DYNC1I1: variants seen among roughly 807,000 people sequenced by gnomAD.
DYNC1I1 encodes dynein cytoplasmic 1 intermediate chain 1.
Under a neutral mutation model 86.6 loss-of-function variants are expected in DYNC1I1, and 43 were observed. The ratio of observed to expected loss-of-function variants is 0.50; its 90% CI spans 0.39 to 0.64. The LOEUF (loss-of-function observed/expected upper bound fraction) is 0.64. Ranked by LOEUF, DYNC1I1 falls within the 30% of genes least tolerant of loss-of-function variation. DYNC1I1 has a pLI of 0.00. For synonymous variants in DYNC1I1, 262 were observed against 283.7 expected, an observed-to-expected ratio of 0.92 and a Z score of 0.77; for missense variants, 604 against 788.8, an observed-to-expected ratio of 0.77 and a Z score of 2.81.
chr7:95,889,840 G>A (rs115203314), intron 6 of DYNC1I1, among the ~76,000 whole-genome samples: 3,773 of 152,188 alleles, frequency 0.025, 132 homozygotes, highest in African/African-American at 0.077. Flanking sequence ...AGCATATGAA[G>A]AAAAGCTCAA....
intron 6 of DYNC1I1, among the ~76,000 whole-genome samples, chr7:95,916,761 G>A (rs1791479418): frequency 6.6e-6 from 1 of 152,108 alleles, no homozygotes; most frequent in Non-Finnish European, 1.5e-5. Flanking sequence ...CACAAAAAAT[G>A]GCCAGTAGAG....
At chr7:95,899,193 A>G (rs1790969583) in intron 6 of DYNC1I1, among the ~76,000 whole-genome samples, 1 of 152,220 alleles carries the variant, frequency 6.6e-6, no homozygotes, top group Non-Finnish European at 1.5e-5. Context: ...TAAGTGAATG[A>G]AGGAAGCCCT....
At chr7:95,951,957 T>C (rs1050130126) in intron 6 of DYNC1I1, among the ~76,000 whole-genome samples, 11 of 152,202 alleles carry the variant, frequency 7.2e-5, no homozygotes, top group African/African-American at 2.4e-4. Context: ...GAATCATGTA[T>C]GTTTCATTAT....
At chr7:95,948,051 G>A (rs1303363852) in intron 6 of DYNC1I1, among the ~76,000 whole-genome samples, 1 of 145,178 alleles carries the variant, frequency 6.9e-6, no homozygotes, top group Non-Finnish European at 1.5e-5. Flanking sequence ...AAACAGAGCT[G>A]AAATCAATGC....
chr7:96,095,198 T>C (rs545631180), intron 16 of DYNC1I1, among the ~76,000 whole-genome samples: 2 of 152,300 alleles, frequency 1.3e-5, no homozygotes, highest in Admixed American at 1.3e-4. Flanking sequence ...ATTTTTGAGA[T>C]GTGTAATTTT....
At chr7:95,826,310 G>A (rs1795201926) in intron 4 of DYNC1I1, among the ~76,000 whole-genome samples, 1 of 152,168 alleles carries the variant, frequency 6.6e-6, no homozygotes. Flanking sequence ...TCTGTATTCC[G>A]CTACTTCTGC....
At chr7:96,014,940 C>G (rs1562971955) in intron 10 of DYNC1I1, among the ~76,000 whole-genome samples, 1 of 152,130 alleles carries the variant, frequency 6.6e-6, no homozygotes, top group African/African-American at 2.4e-5. Context: ...TCTTCATTAT[C>G]TGGTTTCATA....
chr7:95,831,910 T>G (rs1210518527), intron 5 of DYNC1I1, among the ~76,000 whole-genome samples: 2 of 152,186 alleles, frequency 1.3e-5, no homozygotes, highest in Non-Finnish European at 2.9e-5. Context: ...ATCAGTAATA[T>G]GGATTAAAAT....
chr7:96,088,119 A>G (rs1212418681), intron 16 of DYNC1I1, among the ~76,000 whole-genome samples: 1 of 152,142 alleles, frequency 6.6e-6, no homozygotes, highest in Non-Finnish European at 1.5e-5. Flanking sequence ...TGATTAAACT[A>G]ATTATTATAT....
At chr7:96,030,329 GTTGTGTGTGTGTGTGT>G (rs1254430933) in intron 11 of DYNC1I1, among the ~76,000 whole-genome samples, 3 of 126,142 alleles carry the variant, frequency 2.4e-5, no homozygotes, top group East Asian at 4.3e-4. Context: ...TAATGGTAGA[GTTGTGTGTGTGTGTGT>G]GTGTGTGTGT....
intron 6 of DYNC1I1, among the ~76,000 whole-genome samples, chr7:95,875,933 A>T (rs1352030177): frequency 3.3e-5 from 5 of 151,434 alleles, no homozygotes; most frequent in African/African-American, 1.2e-4. Flanking sequence ...CCTTCAGCCC[A>T]TGCCATGCCT....
intron 5 of DYNC1I1, among the ~76,000 whole-genome samples, chr7:95,842,771 G>A (rs1485566066): frequency 2.0e-5 from 3 of 152,194 alleles, no homozygotes; most frequent in Admixed American, 6.5e-5. Flanking sequence ...GTCGATTCAT[G>A]TATAGCTGTT....
At chr7:95,807,921 T>C (rs1355859712) in intron 2 of DYNC1I1, among the ~76,000 whole-genome samples, 1 of 152,186 alleles carries the variant, frequency 6.6e-6, no homozygotes, top group Non-Finnish European at 1.5e-5. Context: ...TGTTGTTGTT[T>C]GTTTTTTAAT....
At chr7:95,805,766 G>A (rs1584239827) in intron 2 of DYNC1I1, among the ~76,000 whole-genome samples, 1 of 152,116 alleles carries the variant, frequency 6.6e-6, no homozygotes, top group Non-Finnish European at 1.5e-5. Flanking sequence ...ACTTCGTGTG[G>A]TATGATATGC....
intron 14 of DYNC1I1, among the ~76,000 whole-genome samples, chr7:96,071,297 A>G (rs115199530): frequency 3.4e-3 from 515 of 152,236 alleles, no homozygotes; most frequent in African/African-American, 0.011. Flanking sequence ...TTTCCATTCT[A>G]TCCTTACCAC....
intron 2 of DYNC1I1, among the ~76,000 whole-genome samples, chr7:95,808,159 G>A (rs534758456): frequency 1.3e-5 from 2 of 152,162 alleles, no homozygotes; most frequent in South Asian, 2.1e-4. Context: ...TGACTCCCGA[G>A]TTTAAGATTT....
intron 6 of DYNC1I1, among the ~76,000 whole-genome samples, chr7:95,901,789 T>A (rs766343245): frequency 6.6e-6 from 1 of 152,228 alleles, no homozygotes; most frequent in Admixed American, 6.5e-5. Context: ...GGCTGCCATC[T>A]GCTTAAGGGT....
chr7:95,797,235 A>G (rs533843408), intron 1 of DYNC1I1, among the ~76,000 whole-genome samples: 6 of 152,192 alleles, frequency 3.9e-5, no homozygotes, highest in African/African-American at 1.4e-4. Context: ...AAAAAGAAAC[A>G]CTATTTTTTA....
chr7:95,923,514 G>GA (rs1428965769), intron 6 of DYNC1I1, among the ~76,000 whole-genome samples: 2 of 152,100 alleles, frequency 1.3e-5, no homozygotes, highest in African/African-American at 4.8e-5. Context: ...GAAGCTTAAT[G>GA]AGACAGTGTA....
Sources: allele counts gnomAD v4.1 joint callset (sites outside exome capture counted in the v4.1 genomes callset), GRCh38; gene constraint gnomAD v4.1.1; transcripts MANE v1.5; gene names NCBI Gene and HGNC (gene_info 2026-07-23, HGNC 2026-07-21).